The following MICAL3 variants were observed in gnomAD, a reference collection of about 807,000 sequenced individuals.
MICAL3 encodes the protein [F-actin]-monooxygenase MICAL3.
A neutral mutation model predicts 207.4 loss-of-function variants in MICAL3; 62 were observed. That is an observed-to-expected ratio of 0.30 (90% confidence interval 0.24 to 0.37). The LOEUF is 0.37. MICAL3 is among the 10% of genes least tolerant of loss of function. MICAL3 has a pLI of 1.00. For missense variants in MICAL3, 2,368 were observed against 2,635.6 expected, an observed-to-expected ratio of 0.90 and a Z score of 2.22; for synonymous variants, 1,077 against 1,069.3, an observed-to-expected ratio of 1.01 and a Z score of -0.14.
rs956831330 is a variant in MICAL3, at chr22:17,796,885, G to A, written c.5651-5584C>T. 1.1e-4 allele frequency among the ~76,000 whole-genome samples: 16 copies of A among 152,246 alleles called. No homozygotes were observed. The highest frequency in any genetic ancestry group is 3.9e-4 in the African/African-American group (16 of 41,450). ...CAGGCCCTGCCTCTCATGGGCCCAAGACCCAGTGTGGGGTAGAATGGCCAA... is the reference window on the plus strand; with the variant it reads ...CAGGCCCTGCCTCTCATGGGCCCAAAACCCAGTGTGGGGTAGAATGGCCAA... On this transcript the variant is annotated intron_variant, in intron 29 of 31. Coordinates refer to ENST00000441493, the MANE Select transcript of MICAL3 (RefSeq NM_015241.3). The surrounding 1 kb of genome is among the most constrained non-coding windows in gnomAD (Gnocchi z 4.4).
At chr22:17,906,297 A>G (rs1931713542) in intron 2 of MICAL3, among the ~76,000 whole-genome samples, 1 of 152,226 alleles carries the variant, frequency 6.6e-6, no homozygotes, top group Admixed American at 6.5e-5. Flanking sequence ...AAATTTCAAC[A>G]GGGTTGAAGC....
At chr22:17,937,288 A>G (rs1933581990) in intron 1 of MICAL3, among the ~76,000 whole-genome samples, 1 of 152,094 alleles carries the variant, frequency 6.6e-6, no homozygotes, top group African/African-American at 2.4e-5. Flanking sequence ...GGACCCATCA[A>G]TTCTCCAAGG....
At chr22:17,876,923 G>A (rs1192063954) in intron 16 of MICAL3, 10 of 128,634 alleles carry the variant, frequency 7.8e-5, no homozygotes, top group African/African-American at 1.1e-4. Context: ...AGGTTATGGA[G>A]GTTAGGGAGG....
chr22:17,963,356 G>C (rs1213167717), intron 1 of MICAL3, among the ~76,000 whole-genome samples: 1 of 152,124 alleles, frequency 6.6e-6, no homozygotes, highest in African/African-American at 2.4e-5. Flanking sequence ...AAGACTGTTA[G>C]GGACACCCAT....
At chr22:17,934,083 A>C (rs947973991) in intron 1 of MICAL3, among the ~76,000 whole-genome samples, 2 of 152,246 alleles carry the variant, frequency 1.3e-5, no homozygotes, top group Non-Finnish European at 2.9e-5. Context: ...AAACTATTCC[A>C]ATCAACAGAA....
chr22:17,991,975 G>GAACAATCT (rs1181279765), intron 1 of MICAL3, among the ~76,000 whole-genome samples: 2 of 152,178 alleles, frequency 1.3e-5, no homozygotes, highest in Non-Finnish European at 2.9e-5. Context: ...GAAGCAGCAT[G>GAACAATCT]AACAATCTAA....
chr22:18,000,127 C>T (rs1298121698), intron 1 of MICAL3, among the ~76,000 whole-genome samples: 1 of 152,152 alleles, frequency 6.6e-6, no homozygotes, highest in Non-Finnish European at 1.5e-5. Context: ...TCATCCTCAT[C>T]CCTGGAGTAC....
intron 1 of MICAL3, among the ~76,000 whole-genome samples, chr22:17,996,337 G>C (rs1379432341): frequency 1.3e-5 from 2 of 151,678 alleles, no homozygotes; most frequent in Non-Finnish European, 2.9e-5. Context: ...CCAGCTACTC[G>C]GGAGGCTGAG....
intron 20 of MICAL3, chr22:17,834,383 G>C: frequency 7.9e-7 from 1 of 1,259,694 alleles, no homozygotes; most frequent in Middle Eastern, 3.4e-4. Flanking sequence ...CAACGCACTT[G>C]CTAGACACTG....
intron 1 of MICAL3, among the ~76,000 whole-genome samples, chr22:17,917,897 T>A (rs1932637182): frequency 6.6e-6 from 1 of 152,006 alleles, no homozygotes; most frequent in South Asian, 2.1e-4. Flanking sequence ...TCCCTCTATC[T>A]CCCCTGGCAG....
Position 17,893,853 on chromosome 22 carries a change from C to G in MICAL3, c.1501G>C (p.Glu501Gln). Residue 501 changes from glutamate to glutamine, a missense_variant, in exon 11 of 32, where the codon GAG becomes CAG. Around this residue, in one of 4 missense-constraint regions of MICAL3, gnomAD observed 147 missense variants for 137.7 expected, o/e 1.07. Coordinates refer to ENST00000441493, the MANE Select transcript of MICAL3 (RefSeq NM_015241.3). ...GETKDIHLEM[E>Q]SLVNSRTTPK... Reference sequence around the variant, plus strand: ...GTGGTTCGGGAATTCACCAGGCTCTCCATTTCCAGGTGAATATCTTTTGTT... The same window carrying G: ...GTGGTTCGGGAATTCACCAGGCTCTGCATTTCCAGGTGAATATCTTTTGTT... 3 of 1,576,548 alleles carry G rather than the reference C, an allele frequency of 1.9e-6. No individual in the cohort carries two copies. Among genetic ancestry groups the G allele is most frequent in the Non-Finnish European group, 2.6e-6 (3 of 1,159,602 alleles).
chr22:18,023,924 G>C (rs11705655), intron 1 of MICAL3, among the ~76,000 whole-genome samples: 9 of 151,944 alleles, frequency 5.9e-5, no homozygotes, highest in African/African-American at 1.7e-4. Flanking sequence ...CCTCGGGGGT[G>C]CCTGGGTACG....
Position 17,871,994 on chromosome 22 carries a change from G to T in MICAL3, c.2271C>A (p.Asn757Lys). ...AGTAGCATGTGTCGCTGCCTCCCAG[G>T]TTCTGCGGGAACTCCTTCTTCATGG... ...QGSMKKEFPQ[N>K]LGGSDTCYFC... Residue 757 changes from asparagine (N) to lysine (K), a missense_variant, in exon 17 of 32, where the codon AAC (asparagine) becomes AAA (lysine). Physicochemically the swap from Asn to Lys is moderately conservative, Grantham distance 94 (BLOSUM62 0). Coordinates refer to ENST00000441493, the MANE Select transcript of MICAL3 (RefSeq NM_015241.3). 1 of 1,609,220 alleles carries T rather than the reference G, an allele frequency of 6.2e-7. No homozygotes were observed. The highest frequency in any genetic ancestry group is 8.5e-7 in the Non-Finnish European group (1 of 1,178,056).
rs1166147683 is a variant in MICAL3, at chr22:17,881,228, AG to A, written c.2241+4649del. 3 of 1,612,552 alleles carry A rather than the reference AG, an allele frequency of 1.9e-6. No individual in the cohort carries two copies. The East Asian group carries it at 6.7e-5, about 36-fold the overall frequency. On this transcript the variant is annotated intron_variant, in intron 16 of 31. Transcript: ENST00000441493. Reference sequence around the variant, plus strand: ...ACCTGCTGGCCGCCATGTGCCCGACAGGGAGGTGGAGTAGGGGGAGGAGACA... The same window carrying A: ...ACCTGCTGGCCGCCATGTGCCCGACAGGAGGTGGAGTAGGGGGAGGAGACA...
At chr22:18,000,080 A>T (rs1922762458) in intron 1 of MICAL3, among the ~76,000 whole-genome samples, 1 of 152,194 alleles carries the variant, frequency 6.6e-6, no homozygotes, top group African/African-American at 2.4e-5. Flanking sequence ...GGCGGCAGCG[A>T]CTGTAGGAAG....
intron 1 of MICAL3, among the ~76,000 whole-genome samples, chr22:18,017,592 T>A (rs1602406498): frequency 1.1e-5 from 1 of 94,186 alleles, no homozygotes; most frequent in East Asian, 5.1e-4. Flanking sequence ...TTTGATAGAA[T>A]TTTTTTTTCT....
chr22:17,931,296 G>GA (rs1009404751), intron 1 of MICAL3, among the ~76,000 whole-genome samples: 17 of 152,108 alleles, frequency 1.1e-4, no homozygotes, highest in Admixed American at 2.0e-4. Flanking sequence ...CCACCATTTG[G>GA]AAAAAAACTA....
rs140233602 is a variant in MICAL3 at position 17,856,391 on chromosome 22, C to T, written c.2605+8508G>A. Among the ~76,000 whole-genome samples, 310 of 152,270 alleles carry T rather than the reference C, an allele frequency of 2.0e-3. 2 individuals carry two copies. Among genetic ancestry groups the T allele is most frequent in the African/African-American group, 7.2e-3 (301 of 41,560 alleles). On this transcript the variant is annotated intron_variant, in intron 19 of 31. Transcript: ENST00000441493. ...CTCTCGGCAACACAGCAAGCCAGTG[C>T]GGACTCTTACCTCCCTGGCCCTTCA...
chr22:17,921,488 A>C lies in MICAL3; in HGVS notation c.-74-14602T>G, dbSNP rs191943914. Among the ~76,000 whole-genome samples, 407 of 152,082 alleles carry C rather than the reference A, an allele frequency of 2.7e-3. 5 individuals carry two copies. Among genetic ancestry groups the C allele is most frequent in the Admixed American group, 0.024 (361 of 15,280 alleles). On this transcript the variant is annotated intron_variant, in intron 1 of 31. Coordinates refer to ENST00000441493, the MANE Select transcript of MICAL3 (RefSeq NM_015241.3). ...GCTTGGACTAGCACAGCTGCCTCTT[A>C]ATCTTTTCTTTTGTGTGTGTGATGG...
Sources: gnomAD v4.1 joint callset for allele counts (sites outside exome capture counted in the v4.1 genomes callset) on GRCh38, gnomAD v4.1.1 for gene constraint, gnomAD v4.1.1 regional missense constraint, Gnocchi (gnomAD v3.1) non-coding constraint, MANE v1.5 for transcripts, NCBI Gene and HGNC (gene_info 2026-07-23, HGNC 2026-07-21) for gene names.